Variants in PON3 observed in about 807,000 individuals in gnomAD.
PON3 encodes the protein paraoxonase 3.
PON3 carries 37 observed loss-of-function variants against 36.3 expected under a neutral mutation model. The observed-to-expected ratio is 1.02, with a 90% CI of 0.78 to 1.34. The LOEUF (loss-of-function observed/expected upper bound fraction) is 1.34, where lower values mean the gene tolerates loss of function less well. Ranked by LOEUF, PON3 falls within the 40% of genes most tolerant of loss-of-function variation. The pLI, the probability that PON3 is intolerant of heterozygous loss-of-function variation, is 0.00. For synonymous variants in PON3, 155 were observed against 154.8 expected (o/e 1.00, Z -0.01); for missense variants, 415 against 426.5 (o/e 0.97, Z 0.24).
chr7:95,380,603 T>C (rs973791705), intron 3 of PON3, among the ~76,000 whole-genome samples: 11 of 152,160 alleles, frequency 7.2e-5, no homozygotes, highest in African/African-American at 2.7e-4. Flanking sequence ...AGGGTAACAA[T>C]GATTGAAGAT....
chr7:95,365,147 C>A (rs1808662713), intron 5 of PON3: 1 of 152,070 alleles, frequency 6.6e-6, no homozygotes, highest in African/African-American at 2.4e-5. Flanking sequence ...TCTGTTATGC[C>A]CCCTTGTAAG....
intron 5 of PON3, chr7:95,364,544 A>G: frequency 4.4e-6 from 1 of 228,470 alleles, no homozygotes. Context: ...TTGCTTCACC[A>G]TGTTTCCCTC....
At chr7:95,367,592 C>A in intron 4 of PON3, 104 bp from the exon 5 acceptor site, 1 of 1,277,164 alleles carries the variant, frequency 7.8e-7, no homozygotes, top group Non-Finnish European at 1.1e-6. Context: ...CTTCTTACAT[C>A]TTGCATTTTA....
chr7:95,392,633 G>T (rs1400786938), intron 2 of PON3, among the ~76,000 whole-genome samples: 1 of 152,102 alleles, frequency 6.6e-6, no homozygotes, highest in Non-Finnish European at 1.5e-5. Flanking sequence ...TCATTACTGG[G>T]TTTGTCTGTT....
At chr7:95,375,515 C>T (rs960968087) in intron 3 of PON3, among the ~76,000 whole-genome samples, 1 of 152,056 alleles carries the variant, frequency 6.6e-6, no homozygotes, top group Non-Finnish European at 1.5e-5. Context: ...CTCTGCCACA[C>T]ATACAGAAAG....
intron 6 of PON3, among the ~76,000 whole-genome samples, chr7:95,363,044 C>T (rs1808611632): frequency 1.3e-5 from 2 of 151,936 alleles, no homozygotes; most frequent in African/African-American, 4.8e-5. Flanking sequence ...TGAGTTATGA[C>T]TATAATGAAA....
chr7:95,370,464 G>A (rs993021103), intron 4 of PON3, among the ~76,000 whole-genome samples: 3 of 152,148 alleles, frequency 2.0e-5, no homozygotes, highest in Non-Finnish European at 2.9e-5. Context: ...ATTTCGAGAA[G>A]TAAAGACACC....
At chr7:95,385,390 C>T (rs960638878) in intron 3 of PON3, among the ~76,000 whole-genome samples, 2 of 151,906 alleles carry the variant, frequency 1.3e-5, no homozygotes, top group African/African-American at 4.8e-5. Context: ...ATACATGCAT[C>T]CAATACAGGA....
At chr7:95,361,622 C>T (rs1463875143) in intron 8 of PON3, among the ~76,000 whole-genome samples, 1 of 152,186 alleles carries the variant, frequency 6.6e-6, no homozygotes, top group African/African-American at 2.4e-5. Context: ...TTCTTAAGAT[C>T]AGGGATCTCT....
rs1356414537 is a variant in PON3, at chr7:95,359,945, T to A, written c.*28A>T. 1 of 611,018 alleles carries A rather than the reference T, an allele frequency of 1.6e-6. No homozygotes were observed. Among genetic ancestry groups the A allele is most frequent in the South Asian group, 3.1e-5 (1 of 32,700 alleles). The allele number at this position is 611,018 out of a possible 1,614,324, so 37.8% of individuals were successfully genotyped here. On this transcript the variant is annotated 3_prime_UTR_variant, in exon 9 of 9. Coordinates refer to ENST00000265627, the MANE Select transcript of PON3 (RefSeq NM_000940.3). ...TTTACTTTTACAAAATATGTAGACT[T>A]TTTTTTTTTTTTTTTACTATCTAGA...
chr7:95,379,402 A>G (rs1410073082), intron 3 of PON3, among the ~76,000 whole-genome samples: 1 of 152,248 alleles, frequency 6.6e-6, no homozygotes, highest in Non-Finnish European at 1.5e-5. Context: ...AAGCAGGGTG[A>G]GGCATCACCT....
intron 3 of PON3, among the ~76,000 whole-genome samples, chr7:95,378,455 G>T (rs1460172381): frequency 6.6e-6 from 1 of 152,180 alleles, no homozygotes; most frequent in Non-Finnish European, 1.5e-5. Flanking sequence ...ACAATTGTCA[G>T]ATTTACCAAG....
intron 3 of PON3, among the ~76,000 whole-genome samples, chr7:95,379,410 C>G (rs1022913452): frequency 6.6e-6 from 1 of 152,264 alleles, no homozygotes; most frequent in Non-Finnish European, 1.5e-5. Context: ...TGAGGCATCA[C>G]CTCAGCCGGG....
chr7:95,392,013 C>T (rs1412613453), intron 2 of PON3, among the ~76,000 whole-genome samples: 1 of 152,204 alleles, frequency 6.6e-6, no homozygotes, highest in African/African-American at 2.4e-5. Flanking sequence ...GGGCAAGCAA[C>T]TTAATTCTTC....
At chr7:95,364,346 TA>T in intron 5 of PON3, 1 of 455,780 alleles carries the variant, frequency 2.2e-6, no homozygotes, top group Non-Finnish European at 4.0e-6. Context: ...TGTTGACTTG[TA>T]AATGTTGATC....
At chr7:95,371,250 T>C (rs1259335777) in intron 4 of PON3, among the ~76,000 whole-genome samples, 2 of 145,026 alleles carry the variant, frequency 1.4e-5, no homozygotes, top group Non-Finnish European at 2.9e-5. Context: ...GTAATGCTGC[T>C]ATGAACATTT....
chr7:95,362,235 T>C, intron 8 of PON3, 127 bp downstream of exon 8: 2 of 1,288,800 alleles, frequency 1.6e-6, no homozygotes, highest in Non-Finnish European at 2.2e-6. Flanking sequence ...AAACTTTACT[T>C]TTCTCATACG....
chr7:95,392,826 G>C (rs1253345981), intron 2 of PON3, among the ~76,000 whole-genome samples: 1 of 152,180 alleles, frequency 6.6e-6, no homozygotes, highest in Non-Finnish European at 1.5e-5. Context: ...CTTTACCTTA[G>C]CTGGAACACA....
At chr7:95,384,016 A>G (rs567796800) in intron 3 of PON3, among the ~76,000 whole-genome samples, 35 of 152,302 alleles carry the variant, frequency 2.3e-4, no homozygotes, top group Non-Finnish European at 4.6e-4. Flanking sequence ...ATATAGACCT[A>G]TGGAACAGAA....
Sources: allele counts gnomAD v4.1 joint callset (sites outside exome capture counted in the v4.1 genomes callset), GRCh38; gene constraint gnomAD v4.1.1; transcripts MANE v1.5; gene names NCBI Gene and HGNC (gene_info 2026-07-23, HGNC 2026-07-21).